The following SUSD4 variants were observed in gnomAD, a reference collection of about 807,000 sequenced individuals.
SUSD4 encodes the protein sushi domain containing 4.
A neutral mutation model predicts 50.5 loss-of-function variants in SUSD4; 41 were observed. The ratio of observed to expected loss-of-function variants is 0.81; its 90% confidence interval spans 0.63 to 1.05. The LOEUF is 1.05. Ranked by LOEUF, SUSD4 falls within the 50% of genes least tolerant of loss-of-function variation. SUSD4 has a pLI of 0.00. For missense variants in SUSD4, 580 were observed against 634.7 expected, an observed-to-expected ratio of 0.91 and a Z score of 0.93; for synonymous variants, 257 against 257.3, an observed-to-expected ratio of 1.00 and a Z score of 0.01.
intron 5 of SUSD4, among the ~76,000 whole-genome samples, chr1:223,260,196 G>T (rs1300360199): frequency 6.6e-6 from 1 of 152,182 alleles, no homozygotes; most frequent in Admixed American, 6.5e-5. Context: ...CTGTAATGAG[G>T]CTATTCTCTA....
intron 2 of SUSD4, among the ~76,000 whole-genome samples, chr1:223,315,306 T>C (rs1666117657): frequency 6.6e-6 from 1 of 152,248 alleles, no homozygotes; most frequent in Non-Finnish European, 1.5e-5. Flanking sequence ...ACATAAACCA[T>C]TACCAGCCAT....
chr1:223,364,530 G>A (rs554927039), upstream of SUSD4, among the ~76,000 whole-genome samples: 639 of 149,836 alleles, frequency 4.3e-3, 3 homozygotes, highest in South Asian at 0.022. This position sits in a 1 kb window ranked among gnomAD's most constrained non-coding sequence, Gnocchi z 4.5. Context: ...CACCTGTCGG[G>A]GCGCGAGGCG....
chr1:223,273,540 T>C (rs1406780826), intron 3 of SUSD4, among the ~76,000 whole-genome samples: 6 of 152,246 alleles, frequency 3.9e-5, no homozygotes, highest in Non-Finnish European at 8.8e-5. Flanking sequence ...GGCAGGGGCC[T>C]TCGCCATGCC....
intron 3 of SUSD4, among the ~76,000 whole-genome samples, chr1:223,279,261 A>T (rs1663514255): frequency 6.6e-6 from 1 of 152,234 alleles, no homozygotes; most frequent in Non-Finnish European, 1.5e-5. Context: ...GCTTCAGACG[A>T]TCAAACTTCT....
chr1:223,249,947 G>A (rs1162064710), intron 5 of SUSD4, among the ~76,000 whole-genome samples: 1 of 152,158 alleles, frequency 6.6e-6, no homozygotes, highest in African/African-American at 2.4e-5. Context: ...TGTGAGAAAG[G>A]ACAGGCTAAG....
chr1:223,301,621 C>G lies in SUSD4; in HGVS notation c.149-8970G>C, dbSNP rs533632328. On this transcript the variant is annotated intron_variant, in intron 2 of 8. Coordinates refer to ENST00000366878, the MANE Select transcript of SUSD4 (RefSeq NM_017982.4). ...CCCACAGGCTGAGATCAGCCTTTTT[C>G]TCATCACCAGCAATGCAGGTAAACC... 8.5e-5 allele frequency among the ~76,000 whole-genome samples: 13 copies of G among 152,300 alleles called. No individual in the cohort carries two copies. In the East Asian group the frequency reaches 2.5e-3, roughly 29 times the overall value.
intron 5 of SUSD4, among the ~76,000 whole-genome samples, chr1:223,241,106 G>T (rs568540845): frequency 1.3e-5 from 2 of 152,158 alleles, no homozygotes; most frequent in African/African-American, 2.4e-5. Flanking sequence ...CCCTTCCTCC[G>T]AGTCAGTTGG....
In SUSD4 at chr1:223,361,568, C is replaced by T. The variant is rs192675391; in HGVS notation, c.148+1710G>A. Among the ~76,000 whole-genome samples, 12 of 152,262 alleles carry T rather than the reference C, an allele frequency of 7.9e-5. No individual in the cohort carries two copies. In the East Asian group the frequency reaches 1.2e-3, roughly 15 times the overall value. On this transcript the variant is annotated intron_variant, in intron 2 of 8. Transcript: ENST00000366878. ...AAGACCGAGGTGGCCATGATGTACA[C>T]TGAGCTCTGAAATGTTGAGGAGGAT... is the stretch of plus-strand genomic sequence containing the variant.
chr1:223,223,750 A>G, intron 7 of SUSD4, 119 bp from the exon 8 acceptor site: 1 of 1,235,320 alleles, frequency 8.1e-7, no homozygotes, highest in Non-Finnish European at 1.1e-6. Context: ...AGAGTCCCGT[A>G]TGGAGGATAA....
intron 5 of SUSD4, among the ~76,000 whole-genome samples, chr1:223,254,366 C>T (rs1351190930): frequency 2.0e-5 from 3 of 151,980 alleles, no homozygotes; most frequent in Non-Finnish European, 4.4e-5. Flanking sequence ...GATCTCTGCA[C>T]TTACACGGGA....
intron 2 of SUSD4, among the ~76,000 whole-genome samples, chr1:223,347,260 T>C (rs937846354): frequency 1.3e-5 from 2 of 152,186 alleles, no homozygotes; most frequent in African/African-American, 2.4e-5. Flanking sequence ...CTTTTGACAA[T>C]AGTCACCCTG....
At chr1:223,237,036 G>A (rs1660268024) in intron 5 of SUSD4, among the ~76,000 whole-genome samples, 1 of 151,934 alleles carries the variant, frequency 6.6e-6, no homozygotes, top group Non-Finnish European at 1.5e-5. Flanking sequence ...TAAGAGTTTT[G>A]TAGATTTCCT....
chr1:223,335,475 A>T (rs181705724), intron 2 of SUSD4, among the ~76,000 whole-genome samples: 4 of 152,224 alleles, frequency 2.6e-5, no homozygotes, highest in African/African-American at 7.2e-5. Context: ...CTTTTCAGTC[A>T]ATTTTCAGTA....
intron 4 of SUSD4, 148 bp from the exon 5 acceptor site, chr1:223,264,966 C>G: frequency 1.3e-6 from 1 of 761,066 alleles, no homozygotes. Flanking sequence ...ACCTTGGTCT[C>G]AAATACTCAG....
At chr1:223,285,113 T>G (rs956549239) in intron 3 of SUSD4, among the ~76,000 whole-genome samples, 1 of 152,226 alleles carries the variant, frequency 6.6e-6, no homozygotes, top group East Asian at 1.9e-4. Context: ...AACATCACTA[T>G]GTATCCCATG....
At chr1:223,341,374 G>A (rs917091231) in intron 2 of SUSD4, among the ~76,000 whole-genome samples, 9 of 152,196 alleles carry the variant, frequency 5.9e-5, no homozygotes, top group Non-Finnish European at 1.0e-4. Flanking sequence ...GCAAAGCCAC[G>A]GCTGCATCTC....
At chr1:223,363,171 C>CTGAAGTCTGGG (rs1415884762) in intron 2 of SUSD4, 107 bp downstream of exon 2, 8 of 1,291,368 alleles carry the variant, frequency 6.2e-6, no homozygotes, top group Non-Finnish European at 8.0e-6. Context: ...TCAGATCCTC[C>CTGAAGTCTGGG]TGAAGTCTGG....
At chr1:223,354,130 T>C (rs1025247322) in intron 2 of SUSD4, among the ~76,000 whole-genome samples, 2 of 152,156 alleles carry the variant, frequency 1.3e-5, no homozygotes, top group African/African-American at 2.4e-5. Flanking sequence ...CCCCTCATCA[T>C]AGGCTTCCTC....
chr1:223,239,299 T>G (rs909887518), intron 5 of SUSD4, among the ~76,000 whole-genome samples: 1 of 152,074 alleles, frequency 6.6e-6, no homozygotes, highest in African/African-American at 2.4e-5. Flanking sequence ...TCTGACCATC[T>G]CTGTCTTTTA....
Sources: allele counts gnomAD v4.1 joint callset (sites outside exome capture counted in the v4.1 genomes callset), GRCh38; gene constraint gnomAD v4.1.1; non-coding constraint Gnocchi (gnomAD v3.1); transcripts MANE v1.5; gene names NCBI Gene and HGNC (gene_info 2026-07-23, HGNC 2026-07-21).